TNS1: variants seen among roughly 807,000 people sequenced by gnomAD.
The protein encoded by TNS1 is tensin-1.
Under a neutral mutation model 168.6 loss-of-function variants are expected in TNS1, and 62 were observed. That is an observed-to-expected ratio of 0.37 (90% CI 0.30 to 0.45). TNS1 has a LOEUF of 0.45. TNS1 is among the 20% of genes least tolerant of loss of function. TNS1 has a pLI of 1.00. For synonymous variants in TNS1, 934 were observed against 933.2 expected (o/e 1.00, Z -0.02); for missense variants, 2,240 against 2,339.4 (o/e 0.96, Z 0.88).
chr2:217,889,528 G>C (rs141625304), intron 12 of TNS1, among the ~76,000 whole-genome samples: 8 of 152,132 alleles, frequency 5.3e-5, no homozygotes, highest in Non-Finnish European at 1.0e-4. Flanking sequence ...CCTTTATCCC[G>C]TGCGTTCACT....
At chr2:217,963,746 A>G (rs1003254236) in intron 3 of TNS1, among the ~76,000 whole-genome samples, 3 of 102,428 alleles carry the variant, frequency 2.9e-5, no homozygotes, top group Non-Finnish European at 1.7e-5. Context: ...ACATTTACCG[A>G]AAAAAAAAAA....
chr2:217,972,862 A>T (rs1392814953), intron 3 of TNS1, among the ~76,000 whole-genome samples: 1 of 152,258 alleles, frequency 6.6e-6, no homozygotes, highest in African/African-American at 2.4e-5. Context: ...GGTGCTTGCC[A>T]CACAGGAACT....
At position 217,955,315 on chromosome 2, in the gene TNS1, C is replaced by G. The variant is rs370379082; in HGVS notation, c.186+23450G>C. On this transcript the variant is annotated intron_variant, in intron 3 of 32. Coordinates refer to ENST00000682258, the MANE Select transcript of TNS1 (RefSeq NM_001387777.1). ...ACTCTCCCTTCTAGCCAGCTTCCCC[C>G]TCTCCAGGGGCCCCAGGACCATGTG... Among the ~76,000 whole-genome samples, 24 of 152,360 alleles carry G rather than the reference C, an allele frequency of 1.6e-4. No homozygotes were observed. The East Asian group carries it at 4.6e-3, about 29-fold the overall frequency.
At chr2:217,962,614 T>G (rs773821496) in intron 3 of TNS1, among the ~76,000 whole-genome samples, 1 of 152,158 alleles carries the variant, frequency 6.6e-6, no homozygotes, top group African/African-American at 2.4e-5. Context: ...AATAAATCAG[T>G]AAAATGGGGA....
chr2:217,940,028 G>A (rs918534269), intron 3 of TNS1, among the ~76,000 whole-genome samples: 5 of 152,272 alleles, frequency 3.3e-5, no homozygotes, highest in Admixed American at 1.3e-4. Context: ...TAATGGAAGT[G>A]TCACCAGGGG....
intron 3 of TNS1, among the ~76,000 whole-genome samples, chr2:217,937,495 C>A (rs1163806146): frequency 2.6e-5 from 4 of 152,088 alleles, no homozygotes; most frequent in Admixed American, 2.0e-4. Context: ...GGCTTGGCGG[C>A]CCCTCTCACT....
chr2:217,920,342 G>A (rs899231706), intron 3 of TNS1, 106 bp from the exon 4 acceptor site: 11 of 688,150 alleles, frequency 1.6e-5, no homozygotes, highest in African/African-American at 3.5e-5. Flanking sequence ...TCCCTCACAC[G>A]GGCTGACACC....
chr2:217,838,316 T>C (rs1197945259), intron 19 of TNS1, among the ~76,000 whole-genome samples: 1 of 152,236 alleles, frequency 6.6e-6, no homozygotes, highest in Non-Finnish European at 1.5e-5. Flanking sequence ...TCCCAAAGCT[T>C]TCTCCATGTT....
chr2:217,955,338 G>A (rs1957335997), intron 3 of TNS1, among the ~76,000 whole-genome samples: 1 of 152,198 alleles, frequency 6.6e-6, no homozygotes, highest in African/African-American at 2.4e-5. Context: ...CCAGGACCAT[G>A]TGGGCCTCAG....
At position 217,835,091 on chromosome 2, in the gene TNS1, C is replaced by T. The variant is rs1308595202; in HGVS notation, c.3280G>A (p.Val1094Met). 1.9e-6 allele frequency: 3 copies of T among 1,565,210 alleles called. No individual in the cohort carries two copies. Among genetic ancestry groups the T allele is most frequent in the Non-Finnish European group, 2.6e-6 (3 of 1,163,284 alleles). ...GACGAGCTTCACAGGGAATTCTTAC[C>T]CCCACTGGGTGGTGGGCTGCTCGGG... is the stretch of plus-strand genomic sequence containing the variant. ...TSPSSPPPSG[V>M]RSPPGLAKTP... The change falls in exon 21 of 33, where the codon GTG becomes ATG. Residue 1094 changes from valine to methionine, a missense_variant and splice_region_variant. Transcript: ENST00000682258.
intron 16 of TNS1, among the ~76,000 whole-genome samples, chr2:217,883,230 T>A (rs1472753387): frequency 6.6e-6 from 1 of 152,224 alleles, no homozygotes; most frequent in African/African-American, 2.4e-5. Flanking sequence ...CTATTGATTA[T>A]CTTTGAAACT....
At chr2:217,970,830 CA>C (rs565553453) in intron 3 of TNS1, among the ~76,000 whole-genome samples, 2 of 150,866 alleles carry the variant, frequency 1.3e-5, no homozygotes, top group African/African-American at 4.9e-5. Context: ...TGTGATGATA[CA>C]AAAAAAATCA....
At chr2:217,886,366 G>A (rs980384868) in intron 13 of TNS1, among the ~76,000 whole-genome samples, 168 bp downstream of exon 13, 13 of 152,180 alleles carry the variant, frequency 8.5e-5, no homozygotes, top group Admixed American at 8.5e-4. Context: ...CAAATAGATT[G>A]GTGCTTAGAA....
chr2:217,819,673 A>G (rs1559165392), intron 23 of TNS1, among the ~76,000 whole-genome samples: 1 of 152,212 alleles, frequency 6.6e-6, no homozygotes, highest in Non-Finnish European at 1.5e-5. Flanking sequence ...TTTGCTTATT[A>G]AAGTTTTTCC....
intron 7 of TNS1, among the ~76,000 whole-genome samples, chr2:217,899,691 G>A (rs1226710213): frequency 1.3e-5 from 2 of 152,202 alleles, no homozygotes; most frequent in East Asian, 1.9e-4. Flanking sequence ...TCTACAGGCT[G>A]GATCCCAGGA....
intron 6 of TNS1, chr2:217,903,802 A>T: frequency 1.8e-6 from 1 of 568,772 alleles, no homozygotes; most frequent in South Asian, 2.5e-5. Flanking sequence ...CTCAGACACT[A>T]CTGGGTGGCT....
rs113055279 is a variant in TNS1, at chr2:217,878,841, C to T, written c.1429+2057G>A. Among the ~76,000 whole-genome samples, 698 of 152,330 alleles carry T rather than the reference C, an allele frequency of 4.6e-3. 5 individuals carry two copies. Among genetic ancestry groups the T allele is most frequent in the Non-Finnish European group, 7.2e-3 (491 of 68,024 alleles). On this transcript the variant is annotated intron_variant, in intron 18 of 32. Transcript: ENST00000682258. ...TCTTAACCACATACTAACTGCCTCT[C>T]ATGAAGGCCGCTATAGGCAGGTAGA...
chr2:217,878,161 G>A (rs1365496974), intron 18 of TNS1, among the ~76,000 whole-genome samples: 1 of 152,166 alleles, frequency 6.6e-6, no homozygotes, highest in African/African-American at 2.4e-5. Flanking sequence ...CTTGCTGAAC[G>A]CCTGCCTCAG....
At chr2:217,884,551 T>C (rs1951011749) in intron 16 of TNS1, among the ~76,000 whole-genome samples, 1 of 152,174 alleles carries the variant, frequency 6.6e-6, no homozygotes, top group Admixed American at 6.5e-5. Flanking sequence ...CTACTGCTCT[T>C]CTGCCCTGCA....
Sources: allele counts gnomAD v4.1 joint callset (sites outside exome capture counted in the v4.1 genomes callset), GRCh38; gene constraint gnomAD v4.1.1; transcripts MANE v1.5; gene names NCBI Gene and HGNC (gene_info 2026-07-23, HGNC 2026-07-21).